Variants in CLPTM1 observed in about 807,000 individuals in gnomAD.
The protein encoded by CLPTM1 is CLPTM1 regulator of GABA type A receptor forward trafficking.
CLPTM1 carries 21 observed loss-of-function variants against 77.3 expected under a neutral mutation model. That is an observed-to-expected ratio of 0.27 (90% CI 0.19 to 0.39). CLPTM1 has a LOEUF of 0.39. Ranked by LOEUF, CLPTM1 falls within the 10% of genes least tolerant of loss-of-function variation. The probability of loss-of-function intolerance (pLI) is 1.00; values close to 1 mark genes in which losing one functional copy is unlikely to be tolerated. For synonymous variants in CLPTM1, 373 were observed against 381.0 expected (o/e 0.98, Z 0.24); for missense variants, 642 against 921.2 (o/e 0.70, Z 3.92).
intron 2 of CLPTM1, among the ~76,000 whole-genome samples, chr19:44,968,491 T>A (rs1970668994): frequency 6.6e-6 from 1 of 152,226 alleles, no homozygotes; most frequent in Non-Finnish European, 1.5e-5. Flanking sequence ...AGAAAGGATT[T>A]AATGTCTGTT....
chr19:44,959,052 C>T lies in CLPTM1; in HGVS notation c.73-2911C>T, dbSNP rs75320185. 6.7e-3 allele frequency among the ~76,000 whole-genome samples: 1,013 copies of T among 152,250 alleles called. 12 individuals carry two copies. Among genetic ancestry groups the T allele is most frequent in the African/African-American group, 0.021 (890 of 41,542 alleles). On this transcript the variant is annotated intron_variant, in intron 1 of 13. Coordinates refer to ENST00000337392, the MANE Select transcript of CLPTM1 (RefSeq NM_001294.4). ...TGGCCTTTGGGGAAATCCTAAAGTA[C>T]GTGCTCACAGTTGTTCCTTTTCACT...
chr19:44,973,125 G>A lies in CLPTM1; in HGVS notation c.224G>A (p.Arg75Gln), dbSNP rs150314527. 8.1e-6 allele frequency: 13 copies of A among 1,613,872 alleles called. No homozygotes were observed. The highest frequency in any genetic ancestry group is 1.7e-5 in the Admixed American group (1 of 59,990). The change falls in exon 3 of 14, where the codon CGA becomes CAA. Residue 75 changes from arginine to glutamine, a missense_variant. By Grantham distance (43) the Arg-to-Gln change is conservative. Around this residue, in one of 2 missense-constraint regions of CLPTM1, gnomAD observed 121 missense variants for 120.8 expected, o/e 1.00. Transcript: ENST00000337392. ...IIWAISSWFR[R>Q]GPAPQDQAGP... The stretch of plus-strand genomic sequence containing the variant: ...TGGGCCATCAGCAGTTGGTTCCGCC[G>A]AGGGCCGGCCCCTCAGGACCAGGCG...
intron 9 of CLPTM1, among the ~76,000 whole-genome samples, chr19:44,989,013 C>A (rs958543655): frequency 6.6e-6 from 1 of 152,170 alleles, no homozygotes; most frequent in African/African-American, 2.4e-5. Context: ...AGATTCGTTT[C>A]TACACAATTT....
At chr19:44,959,377 C>G (rs1970510605) in intron 1 of CLPTM1, among the ~76,000 whole-genome samples, 2 of 151,646 alleles carry the variant, frequency 1.3e-5, no homozygotes, top group Admixed American at 1.3e-4. Context: ...GTTTTTGAGA[C>G]AGAGTCATGC....
At position 44,973,761 on chromosome 19, in the gene CLPTM1, G is replaced by GTTTTTTTTTTTTTTT. The variant is rs71173113; in HGVS notation, c.309+557_309+571dup. ...GGAAGTTCTTGTTGGGTCACAGTGG[G>GTTTTTTTTTTTTTTT]TTTTTTTTTTTTTTTTTTTTGAGAT... On this transcript the variant is annotated intron_variant, in intron 3 of 13. Coordinates refer to ENST00000337392, the MANE Select transcript of CLPTM1 (RefSeq NM_001294.4). 3.7e-4 allele frequency among the ~76,000 whole-genome samples: 23 copies of GTTTTTTTTTTTTTTT among 62,438 alleles called. 2 individuals carry two copies. Among genetic ancestry groups the GTTTTTTTTTTTTTTT allele is most frequent in the African/African-American group, 9.8e-4 (22 of 22,522 alleles). 41.0% of individuals were successfully genotyped at this position (62,438 alleles called of 152,430 possible). A position where few individuals can be genotyped will look rare whatever the true frequency, so the allele number is the denominator to read the frequency against.
Position 44,968,864 on chromosome 19 carries a change from C to G in CLPTM1, c.186-4223C>G, listed in dbSNP as rs114590950. On this transcript the variant is annotated intron_variant, in intron 2 of 13. Transcript: ENST00000337392. ...TCCCCAGAGATTGCCAGGTCCAGAC[C>G]TTCCCCAGACGTGCATATCAGGGAC... is the stretch of plus-strand genomic sequence containing the variant. Among the ~76,000 whole-genome samples, 1,402 of 152,290 alleles carry G rather than the reference C, an allele frequency of 9.2e-3. 17 individuals carry two copies. The highest frequency in any genetic ancestry group is 0.03 in the African/African-American group (1,244 of 41,546).
At chr19:44,975,046 G>A (rs1161504869) in intron 4 of CLPTM1, among the ~76,000 whole-genome samples, 2 of 77,880 alleles carry the variant, frequency 2.6e-5, no homozygotes, top group Admixed American at 1.5e-4. Context: ...CATTTAACAT[G>A]TGAGGAAACT....
At chr19:44,985,486 C>G (rs984515611) in intron 6 of CLPTM1, among the ~76,000 whole-genome samples, 183 bp downstream of exon 6, 1 of 152,206 alleles carries the variant, frequency 6.6e-6, no homozygotes, top group East Asian at 1.9e-4. Flanking sequence ...GCAGCTGTCT[C>G]TCAGGGAGTG....
At position 44,992,399 on chromosome 19, in the gene CLPTM1, C is replaced by T. The variant is rs1034946450; in HGVS notation, c.1722C>T (p.Asp574=). 1.1e-5 allele frequency: 18 copies of T among 1,613,934 alleles called. No individual in the cohort carries two copies. Among genetic ancestry groups the T allele is most frequent in the East Asian group, 1.1e-4 (5 of 44,886 alleles). ...PVMYRIGCLR[D]DVVFFIYLYQ... ...TGTACCGGATCGGCTGCCTGCGGGA[C>T]GGTGAGGCCCGGTGGGCAGGTGGGA... Residue 574 remains aspartate (D), a splice_region_variant and synonymous_variant, in exon 13 of 14, where the codon GAC becomes GAT. Coordinates refer to ENST00000337392, the MANE Select transcript of CLPTM1 (RefSeq NM_001294.4). This position sits in a 1 kb window ranked among gnomAD's most constrained non-coding sequence, Gnocchi z 7.7.
chr19:44,993,248 C>T lies in CLPTM1; in HGVS notation c.*351C>T. Reference sequence around the variant, plus strand: ...TGCCCACGGCCGTTCATCATCTTGTCCCTCGTCCCCCTACCACACTCCCCC... The same window carrying T: ...TGCCCACGGCCGTTCATCATCTTGTTCCTCGTCCCCCTACCACACTCCCCC... On this transcript the variant is annotated 3_prime_UTR_variant, in exon 14 of 14. Coordinates refer to ENST00000337392, the MANE Select transcript of CLPTM1 (RefSeq NM_001294.4). 2.0e-6 allele frequency: 1 copy of T among 504,652 alleles called. No homozygotes were observed. The highest frequency in any genetic ancestry group is 5.6e-4 in the Middle Eastern group (1 of 1,790). The allele number at this position is 504,652 out of a possible 1,614,324, so 31.3% of individuals were successfully genotyped here.
intron 2 of CLPTM1, among the ~76,000 whole-genome samples, chr19:44,968,021 A>T (rs995531970): frequency 6.6e-6 from 1 of 152,188 alleles, no homozygotes; most frequent in African/African-American, 2.4e-5. Context: ...CATAAGAGGT[A>T]GCCTGTTTTA....
chr19:44,991,377 A>C lies in CLPTM1; in HGVS notation c.1555+4A>C. ...TACGGCTTCCTGCTGACCTTCGGTG[A>C]GCGGTCCGGCCGCCCCAGGAGAGAG... On this transcript the variant is annotated splice_donor_region_variant and intron_variant, in intron 12 of 13. Transcript: ENST00000337392. This position sits in a 1 kb window ranked among gnomAD's most constrained non-coding sequence, Gnocchi z 5.4. 1 of 1,611,000 alleles carries C rather than the reference A, an allele frequency of 6.2e-7. No homozygotes were observed. Among genetic ancestry groups the C allele is most frequent in the Non-Finnish European group, 8.5e-7 (1 of 1,179,794 alleles).
At position 44,965,892 on chromosome 19, in the gene CLPTM1, G is replaced by A. The variant is rs557106195; in HGVS notation, c.185+3817G>A. ...TTCACATGGCCATGGCCAGCTGCAC[G>A]GGAGGCTGGGAAATGTGGTCTTTAA... On this transcript the variant is annotated intron_variant, in intron 2 of 13. Coordinates refer to ENST00000337392, the MANE Select transcript of CLPTM1 (RefSeq NM_001294.4). Among the ~76,000 whole-genome samples the A allele has an allele frequency of 2.9e-4, 44 of 152,330 alleles. No individual in the cohort carries two copies. In the South Asian group the frequency reaches 2.9e-3, roughly 10 times the overall value.
intron 4 of CLPTM1, 74 bp downstream of exon 4, chr19:44,974,671 C>G (rs778444336): frequency 2.0e-4 from 309 of 1,535,468 alleles, no homozygotes; most frequent in Non-Finnish European, 2.7e-4. Flanking sequence ...CCAGTCCGCT[C>G]CTTGCTGAGA....
rs1234107845 is a variant in CLPTM1 at position 44,987,893 on chromosome 19, C to T, written c.1039-187C>T. ...GCCTCTTCCCCTAGTGCCATCTCCC[C>T]GTCTCTTCTGTCTTTGTGAGTCACC... is the stretch of plus-strand genomic sequence containing the variant. On this transcript the variant is annotated intron_variant, in intron 8 of 13. Coordinates refer to ENST00000337392, the MANE Select transcript of CLPTM1 (RefSeq NM_001294.4). 15 of 618,094 alleles carry T rather than the reference C, an allele frequency of 2.4e-5. 1 individual carries two copies. In the Middle Eastern group the frequency reaches 1.7e-3, roughly 71 times the overall value. The allele number at this position is 618,094 out of a possible 1,614,324, so 38.3% of individuals were successfully genotyped here.
chr19:44,992,912 C>T lies in CLPTM1; in HGVS notation c.*15C>T, dbSNP rs866418745. The T allele has an allele frequency of 6.2e-7, 1 of 1,611,010 alleles. No homozygotes were observed. The highest frequency in any genetic ancestry group is 1.3e-5 in the African/African-American group (1 of 75,028). Reference sequence around the variant, plus strand: ...AAAAGGATTAGTCGAGACTGGTCCTCACCTGCTCCGGCTCCTGGCGACCAC... The same window carrying T: ...AAAAGGATTAGTCGAGACTGGTCCTTACCTGCTCCGGCTCCTGGCGACCAC... On this transcript the variant is annotated 3_prime_UTR_variant, in exon 14 of 14. Coordinates refer to ENST00000337392, the MANE Select transcript of CLPTM1 (RefSeq NM_001294.4). The surrounding 1 kb of genome is among the most constrained non-coding windows in gnomAD (Gnocchi z 7.7).
rs765583009 is a variant in CLPTM1 at position 44,992,527 on chromosome 19, C to T, written c.1724-84C>T. The T allele has an allele frequency of 3.8e-6, 6 of 1,594,436 alleles. No homozygotes were observed. The highest frequency in any genetic ancestry group is 5.1e-6 in the Non-Finnish European group (6 of 1,166,706). On this transcript the variant is annotated intron_variant, in intron 13 of 13. Coordinates refer to ENST00000337392, the MANE Select transcript of CLPTM1 (RefSeq NM_001294.4). The surrounding 1 kb of genome is among the most constrained non-coding windows in gnomAD (Gnocchi z 7.7). ...TCAGTCTGAGGGGGCTCGGCCCCGCCCTTGCATCACGCCCTCTCCACCCAG... is the reference window on the plus strand; with the variant it reads ...TCAGTCTGAGGGGGCTCGGCCCCGCTCTTGCATCACGCCCTCTCCACCCAG...
intron 9 of CLPTM1, among the ~76,000 whole-genome samples, chr19:44,988,435 G>A (rs1363556103): frequency 6.6e-6 from 1 of 152,244 alleles, no homozygotes; most frequent in Non-Finnish European, 1.5e-5. Context: ...CAGGAAGCAG[G>A]GCTGGGGAAC....
At chr19:44,961,458 C>T (rs958059069) in intron 1 of CLPTM1, among the ~76,000 whole-genome samples, 1 of 152,216 alleles carries the variant, frequency 6.6e-6, no homozygotes, top group Non-Finnish European at 1.5e-5. Flanking sequence ...ATCCTGGCTC[C>T]AGCCCCAGGG....
Sources: gnomAD v4.1 joint callset for allele counts (sites outside exome capture counted in the v4.1 genomes callset) on GRCh38, gnomAD v4.1.1 for gene constraint, gnomAD v4.1.1 regional missense constraint, Gnocchi (gnomAD v3.1) non-coding constraint, MANE v1.5 for transcripts, NCBI Gene and HGNC (gene_info 2026-07-23, HGNC 2026-07-21) for gene names.